Variants in TOP1MT observed in about 807,000 individuals in gnomAD.
TOP1MT encodes the protein DNA topoisomerase I, mitochondrial.
TOP1MT carries 80 observed loss-of-function variants against 73.9 expected under a neutral mutation model. The observed-to-expected ratio is 1.08, with a 90% CI of 0.90 to 1.30. TOP1MT has a LOEUF of 1.30. TOP1MT is among the 50% of genes most tolerant of loss of function. TOP1MT has a pLI of 0.00. For missense variants in TOP1MT, 815 were observed against 808.0 expected (o/e 1.01, Z -0.10); for synonymous variants, 338 against 326.4 (o/e 1.04, Z -0.38).
chr8:143,332,911 GGGTT>G (rs1816899061), intron 1 of TOP1MT, among the ~76,000 whole-genome samples: 1 of 152,092 alleles, frequency 6.6e-6, no homozygotes, highest in African/African-American at 2.4e-5. Flanking sequence ...GGGGAGAGGG[GGGTT>G]CTGCTGACTC....
chr8:143,332,727 G>C, intron 1 of TOP1MT: 1 of 466,398 alleles, frequency 2.1e-6, no homozygotes. Flanking sequence ...AGAAGTTAAC[G>C]GGCTCAAGAA....
upstream of TOP1MT, among the ~76,000 whole-genome samples, chr8:143,339,070 G>A (rs2450779): frequency 0.11 from 16,755 of 152,208 alleles, 3,139 homozygotes; most frequent in African/African-American, 0.38. Context: ...CTATAAAGAC[G>A]TTTCCCACCC....
At chr8:143,313,688 T>G (rs537176178) in intron 12 of TOP1MT, among the ~76,000 whole-genome samples, 1 of 151,154 alleles carries the variant, frequency 6.6e-6, no homozygotes, top group Admixed American at 6.6e-5. Flanking sequence ...ACCCCGTCTC[T>G]ACTAAAATAC....
upstream of TOP1MT, among the ~76,000 whole-genome samples, chr8:143,357,385 G>T (rs886359287): frequency 1.3e-5 from 2 of 148,934 alleles, no homozygotes; most frequent in Non-Finnish European, 3.0e-5. Flanking sequence ...ACTCCTGGGC[G>T]ACAGAGTGAG....
intron 1 of TOP1MT, among the ~76,000 whole-genome samples, chr8:143,351,008 A>C (rs1817310546): frequency 6.6e-6 from 1 of 152,120 alleles, no homozygotes; most frequent in African/African-American, 2.4e-5. Context: ...GCTTCAGTGA[A>C]AACGCCCACC....
chr8:143,340,673 C>G (rs1426620948), intron 2 of TOP1MT, among the ~76,000 whole-genome samples: 1 of 152,244 alleles, frequency 6.6e-6, no homozygotes, highest in Non-Finnish European at 1.5e-5. Context: ...GTCCAGCTCA[C>G]TCCCACACTG....
At chr8:143,334,620 G>T in intron 1 of TOP1MT, 120 bp downstream of exon 1, 3 of 1,443,718 alleles carry the variant, frequency 2.1e-6, no homozygotes, top group South Asian at 2.6e-5. Flanking sequence ...CTCCTGGCCC[G>T]ACTTTTGGGA....
chr8:143,348,713 G>A (rs927458722), upstream of TOP1MT, among the ~76,000 whole-genome samples: 3 of 152,166 alleles, frequency 2.0e-5, no homozygotes, highest in African/African-American at 7.2e-5. The surrounding 1 kb of genome is among the most constrained non-coding windows in gnomAD (Gnocchi z 4.6). Context: ...GGATTCAGGT[G>A]CCTCTGCAGG....
Position 143,324,141 on chromosome 8 carries a change from C to T in TOP1MT, c.818G>A (p.Gly273Glu), listed in dbSNP as rs988812844. The T allele has an allele frequency of 3.7e-6, 6 of 1,612,932 alleles. No homozygotes were observed. The highest frequency in any genetic ancestry group is 5.1e-6 in the Non-Finnish European group (6 of 1,179,840). The change falls in exon 7 of 14, where the codon GGG (glycine) becomes GAG (glutamate). Residue 273 changes from glycine to glutamate, a missense_variant and splice_region_variant. Coordinates refer to ENST00000329245, the MANE Select transcript of TOP1MT (RefSeq NM_052963.3). ...TTCAAACTTCTGCCAAGCTGTCTCC[C>T]CCTAAACGAAGAAAATAACAGGAAA... is the stretch of plus-strand genomic sequence containing the variant. ...IMLNPCSKLK[G>E]ETAWQKFETA...
At chr8:143,317,867 G>T in intron 9 of TOP1MT, 30 bp from the exon 10 acceptor site, 2 of 1,610,486 alleles carry the variant, frequency 1.2e-6, no homozygotes, top group Non-Finnish European at 1.7e-6. Flanking sequence ...CTATAATTAC[G>T]TGGTTTTGCG....
chr8:143,327,006 T>A (rs557647142), intron 3 of TOP1MT, among the ~76,000 whole-genome samples: 93 of 152,260 alleles, frequency 6.1e-4, no homozygotes, highest in African/African-American at 2.1e-3. Context: ...GGGGCCCAGC[T>A]AATTCCACCC....
intron 2 of TOP1MT, among the ~76,000 whole-genome samples, chr8:143,342,911 A>G (rs906007049): frequency 4.6e-5 from 7 of 151,716 alleles, no homozygotes; most frequent in Non-Finnish European, 1.0e-4. Flanking sequence ...CAGCCTCCCG[A>G]CCACCACACC....
In TOP1MT at chr8:143,331,238, C is replaced by T. The variant is rs780315945; in HGVS notation, c.224G>A (p.Arg75His). ...TGCATCCTTACCTTCATAGAAGAAACGCACTCCGTCGGGAAGGGGCTCGTA... is the reference window on the plus strand; with the variant it reads ...TGCATCCTTACCTTCATAGAAGAAATGCACTCCGTCGGGAAGGGGCTCGTA... ...PPYEPLPDGV[R>H]FFYEGRPVRL... is the part of the protein sequence containing the mutation. The change falls in exon 2 of 14, where the codon CGT (arginine) becomes CAT (histidine). Residue 75 changes from arginine to histidine, a missense_variant. Physicochemically the swap from Arg to His is conservative, Grantham distance 29 (BLOSUM62 0). Coordinates refer to ENST00000329245, the MANE Select transcript of TOP1MT (RefSeq NM_052963.3). 30 of 1,607,456 alleles carry T rather than the reference C, an allele frequency of 1.9e-5. No homozygotes were observed. The highest frequency in any genetic ancestry group is 6.7e-5 in the African/African-American group (5 of 74,828).
At chr8:143,329,016 T>G (rs1228118716) in intron 3 of TOP1MT, among the ~76,000 whole-genome samples, 3 of 152,082 alleles carry the variant, frequency 2.0e-5, no homozygotes, top group South Asian at 2.1e-4. Context: ...ACTCTCCTTC[T>G]TATATGCCAG....
At chr8:143,309,720 C>A in intron 13 of TOP1MT, 177 bp from the exon 14 acceptor site, 1 of 1,525,358 alleles carries the variant, frequency 6.6e-7, no homozygotes. Flanking sequence ...CACCCTGGAG[C>A]ATCAGCGAGG....
intron 1 of TOP1MT, chr8:143,333,679 G>A (rs1243885118): frequency 6.6e-6 from 1 of 152,376 alleles, no homozygotes; most frequent in Non-Finnish European, 1.5e-5. Context: ...GCAGAGACCA[G>A]GGCACCAAGC....
At chr8:143,356,563 G>A (rs572625630), upstream of TOP1MT, among the ~76,000 whole-genome samples, 9 of 151,916 alleles carry the variant, frequency 5.9e-5, no homozygotes, top group African/African-American at 1.7e-4. Context: ...TGAGGCGGGC[G>A]GATCACAAGG....
rs2130032319 is a variant in TOP1MT, at chr8:143,321,386, G to A, written c.961C>T (p.Leu321=). ...RAVALYFIDK[L]ALRAGNEKED... is the part of the protein sequence containing the mutation. ...TTCTCATTTCCTGCTCTCAGTGCCAGCTAGTTGGTGGGGAATGGTCAAAGT... is the reference window on the plus strand; with the variant it reads ...TTCTCATTTCCTGCTCTCAGTGCCAACTAGTTGGTGGGGAATGGTCAAAGT... Residue 321 remains leucine (L), a splice_region_variant and synonymous_variant, in exon 8 of 14, where the codon CTG becomes TTG. Transcript: ENST00000329245. The A allele has an allele frequency of 1.3e-6, 2 of 1,578,784 alleles. No individual in the cohort carries two copies. The highest frequency in any genetic ancestry group is 1.7e-6 in the Non-Finnish European group (2 of 1,156,224).
At chr8:143,338,385 T>C (rs1369959797), upstream of TOP1MT, among the ~76,000 whole-genome samples, 1 of 151,958 alleles carries the variant, frequency 6.6e-6, no homozygotes, top group Non-Finnish European at 1.5e-5. Flanking sequence ...CTGACCAACA[T>C]GGAGAAACCC....
Sources: allele counts gnomAD v4.1 joint callset (sites outside exome capture counted in the v4.1 genomes callset), GRCh38; gene constraint gnomAD v4.1.1; non-coding constraint Gnocchi (gnomAD v3.1); transcripts MANE v1.5; gene names NCBI Gene and HGNC (gene_info 2026-07-23, HGNC 2026-07-21).